The following USO1 variants were observed in gnomAD, a reference collection of about 807,000 sequenced individuals.
USO1 encodes the protein USO1 vesicle transport factor.
In USO1, 57 loss-of-function variants were observed where a neutral mutation model predicts 124.5. The observed-to-expected ratio is 0.46, with a 90% CI of 0.37 to 0.57. The LOEUF is 0.57. Ranked by LOEUF, USO1 falls within the 20% of genes least tolerant of loss-of-function variation. The pLI, the probability that USO1 is intolerant of heterozygous loss-of-function variation, is 0.00. For missense variants in USO1, 900 were observed against 1,040.6 expected, an observed-to-expected ratio of 0.86 and a Z score of 1.86; for synonymous variants, 369 against 362.8, an observed-to-expected ratio of 1.02 and a Z score of -0.19.
chr4:75,728,564 C>T (rs1426801892), intron 1 of USO1, among the ~76,000 whole-genome samples: 2 of 152,088 alleles, frequency 1.3e-5, no homozygotes, highest in Non-Finnish European at 2.9e-5. Flanking sequence ...GCAGGAGAAT[C>T]GAGGCGGTGG....
At chr4:75,759,246 C>CTTTTTTTTTTTTTTTTTTTTTTTTTTTTT (rs71208100) in intron 4 of USO1, among the ~76,000 whole-genome samples, 1 of 69,126 alleles carries the variant, frequency 1.4e-5, no homozygotes, top group Admixed American at 2.2e-4. Context: ...TATTAAGGAC[C>CTTTTTTTTTTTTTTTTTTTTTTTTTTTTT]TTTTTTTTTT....
At chr4:75,748,137 C>T (rs1721184104) in intron 1 of USO1, among the ~76,000 whole-genome samples, 1 of 151,586 alleles carries the variant, frequency 6.6e-6, no homozygotes, top group African/African-American at 2.4e-5. Context: ...CTCCTGACCT[C>T]AGGTGATCCG....
At chr4:75,757,175 T>C (rs930847536) in intron 3 of USO1, among the ~76,000 whole-genome samples, 44 of 152,228 alleles carry the variant, frequency 2.9e-4, no homozygotes, top group African/African-American at 1.0e-3. Flanking sequence ...TTTAAAATTA[T>C]CATGTCACTA....
chr4:75,757,998 G>A (rs1414052184), intron 4 of USO1, among the ~76,000 whole-genome samples: 1 of 151,974 alleles, frequency 6.6e-6, no homozygotes, highest in East Asian at 1.9e-4. Flanking sequence ...TTTATAAAGT[G>A]CAACAATTTT....
intron 12 of USO1, among the ~76,000 whole-genome samples, chr4:75,792,505 C>T (rs1722560820): frequency 6.6e-6 from 1 of 151,940 alleles, no homozygotes. Context: ...CCATTGCACT[C>T]CAGCCTGGGC....
intron 1 of USO1, among the ~76,000 whole-genome samples, chr4:75,743,054 G>A (rs1721011248): frequency 3.3e-5 from 5 of 149,698 alleles, no homozygotes; most frequent in South Asian, 2.1e-4. Flanking sequence ...GCACGATCTC[G>A]GCTCACTGCA....
Position 75,724,720 on chromosome 4 carries a change from T to G in USO1, c.-100T>G. 1.6e-6 allele frequency: 2 copies of G among 1,231,426 alleles called. No individual in the cohort carries two copies. Among genetic ancestry groups the G allele is most frequent in the Non-Finnish European group, 1.2e-6 (1 of 862,788 alleles). The allele number at this position is 1,231,426 out of a possible 1,614,324, so 76.3% of individuals were successfully genotyped here. On this transcript the variant is annotated 5_prime_UTR_variant, in exon 1 of 24. Transcript: ENST00000514213. Reference sequence around the variant, plus strand: ...GGCGGTGGTGGCAGCAGTAGGAGTGTGTAGAGTGCGGGATTGGGGCCCAGG... The same window carrying G: ...GGCGGTGGTGGCAGCAGTAGGAGTGGGTAGAGTGCGGGATTGGGGCCCAGG...
chr4:75,770,289 CATA>C, intron 4 of USO1, 147 bp from the exon 5 acceptor site: 1 of 559,082 alleles, frequency 1.8e-6, no homozygotes, highest in Admixed American at 3.8e-5. Flanking sequence ...TATAGCTTTA[CATA>C]ATAATTGTGA....
At chr4:75,766,645 G>T (rs1721776937) in intron 4 of USO1, among the ~76,000 whole-genome samples, 2 of 152,190 alleles carry the variant, frequency 1.3e-5, no homozygotes, top group Admixed American at 6.5e-5. Context: ...TGATGACAGT[G>T]CTTCTGTTTA....
chr4:75,773,368 A>G (rs76578118), intron 7 of USO1, among the ~76,000 whole-genome samples: 1 of 33,570 alleles, frequency 3.0e-5, no homozygotes, highest in African/African-American at 5.7e-5. Flanking sequence ...AAGAAACTAA[A>G]ATATACTAAG....
intron 6 of USO1, 48 bp downstream of exon 6, chr4:75,770,972 C>A: frequency 1.3e-6 from 2 of 1,596,922 alleles, no homozygotes; most frequent in Non-Finnish European, 1.7e-6. Context: ...GCATGAGTAT[C>A]ATTTCCTAGA....
At chr4:75,756,112 G>A (rs893453411) in intron 3 of USO1, among the ~76,000 whole-genome samples, 19 of 150,424 alleles carry the variant, frequency 1.3e-4, no homozygotes, top group Non-Finnish European at 2.4e-4. Context: ...GGAGCTTGCA[G>A]TGAGTCAAGA....
rs1417767724 is a variant in USO1, at chr4:75,725,116, A to G, written c.66+231A>G. ...CGGACTGACGGCGGCCGCGCCCCGC[A>G]GCTCTGTAGGCCCTGAAGCTCGGGC... On this transcript the variant is annotated intron_variant, in intron 1 of 23. Coordinates refer to ENST00000514213, the MANE Select transcript of USO1 (RefSeq NM_003715.4). 12 of 579,346 alleles carry G rather than the reference A, an allele frequency of 2.1e-5. 1 individual carries two copies. Among genetic ancestry groups the G allele is most frequent in the Middle Eastern group, 4.6e-4 (1 of 2,184 alleles). 35.9% of individuals were successfully genotyped at this position (579,346 alleles called of 1,614,324 possible). A position where few individuals can be genotyped will look rare whatever the true frequency, so the allele number is the denominator to read the frequency against.
rs1257757788 is a variant in USO1 at position 75,729,456 on chromosome 4, C to T, written c.66+4571C>T. Among the ~76,000 whole-genome samples the T allele has an allele frequency of 2.0e-5, 3 of 152,122 alleles. No individual in the cohort carries two copies. The East Asian group carries it at 5.8e-4, about 29-fold the overall frequency. Reference sequence around the variant, plus strand: ...CTGGGTTCAAGCAGTTCTCCTGGCTCAGTCTCCCGAGCAGCTGGGACTACA... The same window carrying T: ...CTGGGTTCAAGCAGTTCTCCTGGCTTAGTCTCCCGAGCAGCTGGGACTACA... On this transcript the variant is annotated intron_variant, in intron 1 of 23. Transcript: ENST00000514213.
intron 12 of USO1, among the ~76,000 whole-genome samples, chr4:75,791,762 T>G (rs1023972740): frequency 2.6e-5 from 4 of 151,590 alleles, no homozygotes; most frequent in Non-Finnish European, 5.9e-5. Context: ...TACATTGAGG[T>G]TTTTTGTTAG....
chr4:75,729,592 C>T (rs1290915205), intron 1 of USO1, among the ~76,000 whole-genome samples: 3 of 152,044 alleles, frequency 2.0e-5, no homozygotes, highest in Middle Eastern at 3.2e-3. Flanking sequence ...CTGCCCGCCT[C>T]GGCCTCTCAA....
intron 14 of USO1, among the ~76,000 whole-genome samples, 191 bp from the exon 15 acceptor site, chr4:75,800,160 C>T (rs189983909): frequency 3.9e-5 from 6 of 152,188 alleles, no homozygotes; most frequent in Admixed American, 1.3e-4. Context: ...TGGTCTCAAA[C>T]TCCTGACCTC....
Position 75,770,859 on chromosome 4 carries a change from T to TTCTTACTTC in USO1, c.439_447dup (p.Thr147_Leu149dup). 6.2e-7 allele frequency: 1 copy of TTCTTACTTC among 1,613,872 alleles called. No homozygotes were observed. Among genetic ancestry groups the TTCTTACTTC allele is most frequent in the Non-Finnish European group, 8.5e-7 (1 of 1,179,828 alleles). On this transcript the variant is annotated inframe_insertion, in exon 6 of 24. Coordinates refer to ENST00000514213, the MANE Select transcript of USO1 (RefSeq NM_003715.4). ...CATGTCCGCTGGCCTGGTGTGAAGC[T>TTCTTACTTC]TCTTACTTCTCTTTTAAAACAACTA...
chr4:75,750,170 A>C (rs1456651110), intron 1 of USO1, among the ~76,000 whole-genome samples: 2 of 152,188 alleles, frequency 1.3e-5, no homozygotes, highest in Non-Finnish European at 2.9e-5. Flanking sequence ...GCAGTGGCTC[A>C]CACCTGTAAT....
Sources: allele counts gnomAD v4.1 joint callset (sites outside exome capture counted in the v4.1 genomes callset), GRCh38; gene constraint gnomAD v4.1.1; transcripts MANE v1.5; gene names NCBI Gene and HGNC (gene_info 2026-07-23, HGNC 2026-07-21).